MAGI2: variants seen among roughly 807,000 people sequenced by gnomAD.
MAGI2 encodes the protein membrane associated guanylate kinase, WW and PDZ domain containing 2, also known as membrane-associated guanylate kinase, WW and PDZ domain-containing protein 2.
MAGI2 carries 35 observed loss-of-function variants against 133.3 expected under a neutral mutation model. The ratio of observed to expected loss-of-function variants is 0.26; its 90% CI spans 0.20 to 0.35. The LOEUF is 0.35. Among genes scored for constraint, MAGI2 ranks in the 10% least tolerant of loss-of-function variants. The pLI is 1.00. For missense variants in MAGI2, 1,636 were observed against 1,863.4 expected (o/e 0.88, Z 2.25); for synonymous variants, 729 against 710.6 (o/e 1.03, Z -0.41).
chr7:79,178,036 T>C (rs1033967902), intron 1 of MAGI2, among the ~76,000 whole-genome samples: 8 of 152,012 alleles, frequency 5.3e-5, no homozygotes, highest in Non-Finnish European at 1.2e-4. Context: ...TAGCCAGGCT[T>C]CCATCTATCA....
intron 1 of MAGI2, among the ~76,000 whole-genome samples, chr7:79,259,290 T>C (rs1382516635): frequency 6.6e-6 from 1 of 152,224 alleles, no homozygotes; most frequent in Non-Finnish European, 1.5e-5. Context: ...GTTCTTAACA[T>C]ATATTTTTTC....
At chr7:78,358,050 A>G (rs1414705235) in intron 7 of MAGI2, among the ~76,000 whole-genome samples, 2 of 150,152 alleles carry the variant, frequency 1.3e-5, no homozygotes, top group Non-Finnish European at 3.0e-5. Context: ...CAGCTTTGAC[A>G]GAAGTTAAAA....
At chr7:78,119,727 CA>C (rs1453266725) in intron 20 of MAGI2, among the ~76,000 whole-genome samples, 1 of 151,902 alleles carries the variant, frequency 6.6e-6, no homozygotes, top group Non-Finnish European at 1.5e-5. Context: ...ATGTGTGGGG[CA>C]GGGAGTATAA....
intron 1 of MAGI2, among the ~76,000 whole-genome samples, chr7:79,128,152 G>A (rs1222935079): frequency 6.6e-6 from 1 of 151,740 alleles, no homozygotes; most frequent in South Asian, 2.1e-4. Flanking sequence ...CTGTTCCATT[G>A]GTCTATATCT....
intron 1 of MAGI2, among the ~76,000 whole-genome samples, chr7:79,020,525 G>A (rs554838490): frequency 4.5e-4 from 69 of 152,130 alleles, no homozygotes; most frequent in Non-Finnish European, 8.2e-4. Context: ...CCAGCACTTT[G>A]TGAGGCGGAG....
chr7:79,019,012 G>A (rs1326102026), intron 1 of MAGI2, among the ~76,000 whole-genome samples: 3 of 152,074 alleles, frequency 2.0e-5, no homozygotes, highest in Non-Finnish European at 2.9e-5. Context: ...GATATTTCAG[G>A]ACCTTAACCA....
intron 2 of MAGI2, among the ~76,000 whole-genome samples, chr7:78,639,155 T>C (rs370332284): frequency 2.0e-5 from 3 of 152,320 alleles, no homozygotes; most frequent in East Asian, 3.9e-4. Context: ...CATTAACTTT[T>C]AGTATCACCA....
At chr7:79,031,682 T>G (rs1275259891) in intron 1 of MAGI2, among the ~76,000 whole-genome samples, 1 of 152,182 alleles carries the variant, frequency 6.6e-6, no homozygotes, top group Non-Finnish European at 1.5e-5. Flanking sequence ...AAACAAAAAG[T>G]GTTTACTGAA....
At chr7:78,305,945 A>G (rs1798214508) in intron 9 of MAGI2, among the ~76,000 whole-genome samples, 2 of 152,164 alleles carry the variant, frequency 1.3e-5, no homozygotes, top group African/African-American at 2.4e-5. Context: ...TTTGCTGAAC[A>G]CCCTTCACCT....
chr7:78,316,938 G>T (rs529830433), intron 9 of MAGI2, among the ~76,000 whole-genome samples: 2 of 152,050 alleles, frequency 1.3e-5, no homozygotes, highest in East Asian at 3.9e-4. Flanking sequence ...CCCTACCCTT[G>T]CTTCACCCGT....
At chr7:79,285,871 T>C (rs1835963435) in intron 1 of MAGI2, among the ~76,000 whole-genome samples, 1 of 152,072 alleles carries the variant, frequency 6.6e-6, no homozygotes, top group Non-Finnish European at 1.5e-5. Flanking sequence ...AGCCACAGAA[T>C]GGGGCTAAGT....
chr7:78,052,186 C>T (rs1013060804), intron 21 of MAGI2, among the ~76,000 whole-genome samples: 2 of 152,126 alleles, frequency 1.3e-5, no homozygotes, highest in East Asian at 3.9e-4. Context: ...TTTGACCCTC[C>T]AAACCTCATG....
At chr7:78,850,339 CAGA>C (rs1412266989) in intron 2 of MAGI2, among the ~76,000 whole-genome samples, 2 of 152,180 alleles carry the variant, frequency 1.3e-5, no homozygotes, top group East Asian at 1.9e-4. Context: ...GTCTCTATTT[CAGA>C]AGGAGAGTAT....
intron 2 of MAGI2, among the ~76,000 whole-genome samples, chr7:78,941,742 ACACAC>A (rs1563688602): frequency 4.7e-5 from 7 of 149,024 alleles, no homozygotes; most frequent in South Asian, 2.1e-4. Context: ...ACACACACAC[ACACAC>A]ACACACACAC....
intron 2 of MAGI2, among the ~76,000 whole-genome samples, chr7:78,874,260 T>C (rs544264095): frequency 2.0e-5 from 3 of 152,014 alleles, no homozygotes; most frequent in Non-Finnish European, 2.9e-5. Flanking sequence ...AATTTCAAAA[T>C]TGAAAAAATA....
intron 9 of MAGI2, among the ~76,000 whole-genome samples, chr7:78,287,579 G>A (rs1796274742): frequency 6.6e-6 from 1 of 152,022 alleles, no homozygotes; most frequent in Non-Finnish European, 1.5e-5. Context: ...TCAAAAATCT[G>A]TATTCTTGAG....
intron 2 of MAGI2, among the ~76,000 whole-genome samples, chr7:78,741,684 CA>C (rs1822449627): frequency 6.6e-6 from 1 of 152,192 alleles, no homozygotes; most frequent in South Asian, 2.1e-4. Context: ...TTACTTTGGA[CA>C]AGTTACTTAA....
intron 2 of MAGI2, among the ~76,000 whole-genome samples, chr7:78,670,552 A>G (rs4288307): frequency 0.51 from 77,511 of 151,998 alleles, 19,824 homozygotes; most frequent in Admixed American, 0.55. Flanking sequence ...GACTTTCTTC[A>G]CAGAATTGGA....
intron 1 of MAGI2, among the ~76,000 whole-genome samples, chr7:79,339,303 G>C (rs1840710155): frequency 6.6e-6 from 1 of 151,922 alleles, no homozygotes; most frequent in Non-Finnish European, 1.5e-5. Flanking sequence ...GTTTTGTACT[G>C]TTAAGTGATA....
Sources: allele counts gnomAD v4.1 joint callset (sites outside exome capture counted in the v4.1 genomes callset), GRCh38; gene constraint gnomAD v4.1.1; transcripts MANE v1.5; gene names NCBI Gene and HGNC (gene_info 2026-07-23, HGNC 2026-07-21).